CXCL13: variants seen among roughly 807,000 people sequenced by gnomAD.
CXCL13 encodes the protein C-X-C motif chemokine 13.
In CXCL13, 7 loss-of-function variants were observed where a neutral mutation model predicts 12.2. The ratio of observed to expected loss-of-function variants is 0.57; its 90% CI spans 0.33 to 1.07. CXCL13 has a LOEUF of 1.07. CXCL13 is among the 50% of genes least tolerant of loss of function. The probability of loss-of-function intolerance (pLI) is 0.04; values close to 1 mark genes in which losing one functional copy is unlikely to be tolerated. For missense variants in CXCL13, 113 were observed against 127.4 expected (o/e 0.89, Z 0.55); for synonymous variants, 47 against 42.4 (o/e 1.11, Z -0.42).
intron 1 of CXCL13, among the ~76,000 whole-genome samples, chr4:77,527,654 G>C (rs1317114366): frequency 4.0e-5 from 6 of 151,760 alleles, no homozygotes; most frequent in Admixed American, 3.9e-4. Flanking sequence ...AAGAAAGAAA[G>C]AAAAGAAATG....
At chr4:77,557,227 A>G (rs1725680566) in intron 1 of CXCL13, among the ~76,000 whole-genome samples, 1 of 152,218 alleles carries the variant, frequency 6.6e-6, no homozygotes, top group Admixed American at 6.5e-5. Flanking sequence ...CAGGGCCACA[A>G]CGATGTTTCA....
chr4:77,535,411 A>G (rs1725037199), intron 1 of CXCL13, among the ~76,000 whole-genome samples: 1 of 152,016 alleles, frequency 6.6e-6, no homozygotes, highest in Non-Finnish European at 1.5e-5. Flanking sequence ...CAATCTTGCG[A>G]CCCATTGTAT....
At chr4:77,566,472 C>T (rs997200531) in intron 1 of CXCL13, among the ~76,000 whole-genome samples, 1 of 152,102 alleles carries the variant, frequency 6.6e-6, no homozygotes, top group Non-Finnish European at 1.5e-5. Flanking sequence ...GTTTTTATCT[C>T]TTGGACCATA....
In CXCL13 at chr4:77,564,515, G is replaced by A. The variant is rs555484219; in HGVS notation, c.-42-41309G>A. Among the ~76,000 whole-genome samples, 6 of 152,266 alleles carry A rather than the reference G, an allele frequency of 3.9e-5. No individual in the cohort carries two copies. In the South Asian group the frequency reaches 1.2e-3, roughly 32 times the overall value. Reference sequence around the variant, plus strand: ...TCCTGATTGTTCCTGATGATATCCAGCATTTACCAAACATTTACTCTGTAC... The same window carrying A: ...TCCTGATTGTTCCTGATGATATCCAACATTTACCAAACATTTACTCTGTAC... On this transcript the variant is annotated intron_variant, in intron 1 of 4. Coordinates refer to the CXCL13 transcript ENST00000286758.
intron 1 of CXCL13, among the ~76,000 whole-genome samples, chr4:77,558,037 A>T (rs1725706160): frequency 6.6e-6 from 1 of 152,208 alleles, no homozygotes; most frequent in Non-Finnish European, 1.5e-5. Context: ...CATACCCTAG[A>T]AGAGTCTCCC....
rs902614161 is a variant in CXCL13 at position 77,607,561 on chromosome 4, A to C, written c.65-142A>C. Reference sequence around the variant, plus strand: ...CTCAAGCCAAGACAAGCAGAAATATACAAACTAAAGACATATGGGTGGAAG... The same window carrying C: ...CTCAAGCCAAGACAAGCAGAAATATCCAAACTAAAGACATATGGGTGGAAG... On this transcript the variant is annotated intron_variant, in intron 1 of 3. Transcript: ENST00000682537. 2.9e-5 allele frequency: 20 copies of C among 687,418 alleles called. 1 individual carries two copies. Among genetic ancestry groups the C allele is most frequent in the Non-Finnish European group, 4.5e-5 (19 of 419,186 alleles). The allele number at this position is 687,418 out of a possible 1,614,324, so 42.6% of individuals were successfully genotyped here.
intron 1 of CXCL13, among the ~76,000 whole-genome samples, chr4:77,534,604 A>G (rs563768144): frequency 6.6e-6 from 1 of 152,358 alleles, no homozygotes; most frequent in South Asian, 2.1e-4. Context: ...GTATTATTTC[A>G]GTTGAATATG....
chr4:77,520,068 G>A (rs919433005), intron 1 of CXCL13, among the ~76,000 whole-genome samples: 18 of 152,228 alleles, frequency 1.2e-4, no homozygotes, highest in Middle Eastern at 3.4e-3. Flanking sequence ...TGTTCCATTG[G>A]TCTATATCTC....
intron 1 of CXCL13, among the ~76,000 whole-genome samples, chr4:77,532,077 G>A (rs961589918): frequency 6.6e-6 from 1 of 152,144 alleles, no homozygotes; most frequent in African/African-American, 2.4e-5. Context: ...GTGTGAATTT[G>A]ATGCTATCAT....
intron 1 of CXCL13, among the ~76,000 whole-genome samples, chr4:77,536,074 C>A (rs1043130907): frequency 1.3e-5 from 2 of 152,104 alleles, no homozygotes; most frequent in African/African-American, 2.4e-5. Context: ...CTGGTGCTCC[C>A]CATTGGCCAA....
intron 1 of CXCL13, among the ~76,000 whole-genome samples, chr4:77,533,116 T>G (rs140426665): frequency 0.079 from 12,036 of 152,258 alleles, 638 homozygotes; most frequent in South Asian, 0.13. Flanking sequence ...GGTGCTCTGA[T>G]TTTTAGTTTC....
At chr4:77,593,987 G>T (rs761312422) in intron 1 of CXCL13, among the ~76,000 whole-genome samples, 17 of 152,184 alleles carry the variant, frequency 1.1e-4, no homozygotes, top group African/African-American at 3.6e-4. Flanking sequence ...AGCAGCAAAA[G>T]GTCAGCATTG....
intron 1 of CXCL13, among the ~76,000 whole-genome samples, chr4:77,543,245 GT>G (rs756754571): frequency 1.3e-5 from 2 of 151,466 alleles, no homozygotes; most frequent in Admixed American, 1.3e-4. Flanking sequence ...TATTTTTCCT[GT>G]TTTTTTCATT....
intron 1 of CXCL13, among the ~76,000 whole-genome samples, chr4:77,594,433 G>T (rs915251680): frequency 1.3e-5 from 2 of 152,146 alleles, no homozygotes; most frequent in East Asian, 3.8e-4. Flanking sequence ...TGAGACAATA[G>T]GCTGGTCAGG....
chr4:77,512,027 G>A (rs1223587296), intron 1 of CXCL13, among the ~76,000 whole-genome samples: 1 of 152,188 alleles, frequency 6.6e-6, no homozygotes, highest in African/African-American at 2.4e-5. Flanking sequence ...TCCAGGTAAT[G>A]GAGAGAGGCC....
chr4:77,529,964 T>G (rs1724864609), intron 1 of CXCL13, among the ~76,000 whole-genome samples: 1 of 152,208 alleles, frequency 6.6e-6, no homozygotes, highest in African/African-American at 2.4e-5. Context: ...ATACCTAATT[T>G]ATTGAGAGTT....
intron 1 of CXCL13, among the ~76,000 whole-genome samples, chr4:77,558,555 G>C (rs541476981): frequency 1.1e-4 from 17 of 152,310 alleles, no homozygotes; most frequent in Non-Finnish European, 2.5e-4. Context: ...GTTTCACCAT[G>C]TTGGCCAGGC....
upstream of CXCL13, among the ~76,000 whole-genome samples, chr4:77,603,599 A>C (rs552160803): frequency 1.3e-3 from 204 of 152,332 alleles, no homozygotes; most frequent in African/African-American, 4.6e-3. Flanking sequence ...AGAGTTTCAA[A>C]CTGTTATCAA....
intron 1 of CXCL13, among the ~76,000 whole-genome samples, chr4:77,560,731 C>T (rs151256450): frequency 1.2e-3 from 187 of 152,312 alleles, no homozygotes; most frequent in Middle Eastern, 3.4e-3. Context: ...GTAAACATCA[C>T]GCACGGTCTT....
Sources: gnomAD v4.1 joint callset for allele counts (sites outside exome capture counted in the v4.1 genomes callset) on GRCh38, gnomAD v4.1.1 for gene constraint, MANE v1.5 for transcripts, NCBI Gene and HGNC (gene_info 2026-07-23, HGNC 2026-07-21) for gene names.